The following SRP72 variants were observed in gnomAD, a reference collection of about 807,000 sequenced individuals.
SRP72 encodes the protein signal recognition particle subunit SRP72.
SRP72 carries 49 observed loss-of-function variants against 96.3 expected under a neutral mutation model. That is an observed-to-expected ratio of 0.51 (90% confidence interval 0.40 to 0.65). The LOEUF (loss-of-function observed/expected upper bound fraction) is 0.65, where lower values mean the gene tolerates loss of function less well. Among genes scored for constraint, SRP72 ranks in the 30% least tolerant of loss-of-function variants. The probability of loss-of-function intolerance (pLI) is 0.00; values close to 1 mark genes in which losing one functional copy is unlikely to be tolerated. For missense variants in SRP72, 736 were observed against 793.3 expected, an observed-to-expected ratio of 0.93 and a Z score of 0.87; for synonymous variants, 267 against 275.2, an observed-to-expected ratio of 0.97 and a Z score of 0.30.
At chr4:56,474,869 A>G (rs1256072238) in intron 5 of SRP72, among the ~76,000 whole-genome samples, 1 of 152,180 alleles carries the variant, frequency 6.6e-6, no homozygotes, top group East Asian at 1.9e-4. Flanking sequence ...TATTTTCAGT[A>G]GAGATGGTTT....
At chr4:56,486,089 C>T (rs1720699366) in intron 10 of SRP72, 4 of 410,610 alleles carry the variant, frequency 9.7e-6, no homozygotes, top group Non-Finnish European at 1.8e-5. Context: ...TGATGGATTT[C>T]TCTGTTAGTG....
intron 1 of SRP72, 38 bp downstream of exon 1, chr4:56,467,782 G>T: frequency 7.0e-7 from 1 of 1,437,558 alleles, no homozygotes; most frequent in East Asian, 2.9e-5. Context: ...GGCCCAGGCC[G>T]GCTGGAGGAT....
chr4:56,490,304 CTT>C, intron 13 of SRP72, 27 bp from the exon 14 acceptor site: 1 of 1,567,232 alleles, frequency 6.4e-7, no homozygotes, highest in South Asian at 1.1e-5. Context: ...TAACTTGAAA[CTT>C]TTTTTTTCTT....
chr4:56,490,330 T>G lies in SRP72; in HGVS notation c.1321-3T>G. On this transcript the variant is annotated splice_region_variant and splice_polypyrimidine_tract_variant and intron_variant, in intron 13 of 18. Coordinates refer to ENST00000642900, the MANE Select transcript of SRP72 (RefSeq NM_006947.4). ...TTTTTTTTTCTTTTTATTGAAACTGTAGCCAAAATCTCCTGCTCATTTGTC... is the reference window on the plus strand; with the variant it reads ...TTTTTTTTTCTTTTTATTGAAACTGGAGCCAAAATCTCCTGCTCATTTGTC... 6.2e-7 allele frequency: 1 copy of G among 1,605,160 alleles called. No individual in the cohort carries two copies. Among genetic ancestry groups the G allele is most frequent in the Non-Finnish European group, 8.5e-7 (1 of 1,177,792 alleles).
chr4:56,491,814 G>T (rs1355879667), intron 16 of SRP72: 5 of 319,586 alleles, frequency 1.6e-5, no homozygotes, highest in African/African-American at 1.1e-4. Flanking sequence ...CACACAGATG[G>T]TTTACAAATA....
intron 17 of SRP72, among the ~76,000 whole-genome samples, chr4:56,497,860 G>T (rs1326063126): frequency 6.6e-6 from 1 of 151,986 alleles, no homozygotes; most frequent in East Asian, 1.9e-4. Flanking sequence ...ACCAACACTG[G>T]GTATTACTGC....
At chr4:56,497,217 T>A (rs1461705770) in intron 17 of SRP72, among the ~76,000 whole-genome samples, 1 of 149,564 alleles carries the variant, frequency 6.7e-6, no homozygotes, top group Non-Finnish European at 1.5e-5. Flanking sequence ...TTTTATTTTA[T>A]TTATTTATTT....
At chr4:56,472,743 G>A (rs1019272282) in intron 3 of SRP72, among the ~76,000 whole-genome samples, 1 of 152,162 alleles carries the variant, frequency 6.6e-6, no homozygotes, top group African/African-American at 2.4e-5. Flanking sequence ...ATACAAATGA[G>A]TTGAAGATAG....
At chr4:56,494,305 C>A (rs1721004393) in intron 16 of SRP72, among the ~76,000 whole-genome samples, 1 of 151,580 alleles carries the variant, frequency 6.6e-6, no homozygotes, top group Non-Finnish European at 1.5e-5. Flanking sequence ...GTTGTCTCAT[C>A]TTTTTAGTTC....
intron 3 of SRP72, among the ~76,000 whole-genome samples, chr4:56,473,765 CAAAAA>C (rs201143094): frequency 7.1e-6 from 1 of 141,600 alleles, no homozygotes; most frequent in Non-Finnish European, 1.5e-5. Flanking sequence ...AACTCCGTCT[CAAAAA>C]AAAAAGAAAA....
At chr4:56,490,762 T>C (rs1720877878) in intron 15 of SRP72, 117 bp downstream of exon 15, 1 of 872,206 alleles carries the variant, frequency 1.1e-6, no homozygotes, top group Non-Finnish European at 1.7e-6. Flanking sequence ...AATCCTCCTT[T>C]TAACTAGTAA....
chr4:56,490,226 G>C, intron 13 of SRP72, 107 bp from the exon 14 acceptor site: 1 of 777,178 alleles, frequency 1.3e-6, no homozygotes, highest in Non-Finnish European at 2.0e-6. Flanking sequence ...CTTAAGATGA[G>C]GGATCTAATG....
rs775602395 is a variant in SRP72 at position 56,490,623 on chromosome 4, G to A, written c.1480G>A (p.Val494Ile). The change falls in exon 15 of 19, where the codon GTA becomes ATA. Residue 494 changes from valine (V) to isoleucine (I), a missense_variant. Physicochemically the swap from Val to Ile is conservative, Grantham distance 29. Transcript: ENST00000642900. ...ACAGCTTATTTCTGCTTACTCACTT[G>A]TAGATCCAGAGAAAGCCAAAGCGTA... The part of the protein sequence containing the change: ...LAQLISAYSL[V>I]DPEKAKALSK... The A allele has an allele frequency of 1.9e-6, 3 of 1,613,938 alleles. No individual in the cohort carries two copies. The highest frequency in any genetic ancestry group is 3.3e-5 in the Admixed American group (2 of 59,998).
intron 16 of SRP72, 30 bp downstream of exon 16, chr4:56,491,598 T>C: frequency 6.3e-7 from 1 of 1,593,196 alleles, no homozygotes; most frequent in South Asian, 1.1e-5. Context: ...CGTTCTCTAA[T>C]GCTGATTTTA....
chr4:56,468,552 G>A (rs1463938552), intron 1 of SRP72, among the ~76,000 whole-genome samples: 1 of 152,032 alleles, frequency 6.6e-6, no homozygotes, highest in African/African-American at 2.4e-5. Flanking sequence ...GTGCATGTTA[G>A]ATTTGGAAAT....
intron 16 of SRP72, 60 bp from the exon 17 acceptor site, chr4:56,495,297 C>G (rs1721037640): frequency 8.2e-7 from 1 of 1,214,310 alleles, no homozygotes; most frequent in African/African-American, 1.5e-5. Context: ...AGAGCACTTA[C>G]TTAATGCTCT....
intron 16 of SRP72, among the ~76,000 whole-genome samples, chr4:56,492,095 T>A (rs1237999702): frequency 4.6e-5 from 7 of 152,350 alleles, no homozygotes; most frequent in Non-Finnish European, 1.0e-4. Flanking sequence ...CACCTCGGCC[T>A]CCCAAAGTGC....
chr4:56,489,511 G>T, intron 13 of SRP72, 28 bp downstream of exon 13: 2 of 1,382,710 alleles, frequency 1.4e-6, no homozygotes, highest in South Asian at 2.6e-5. Flanking sequence ...AATGTTATGA[G>T]AGCATGTTTT....
chr4:56,474,051 C>G lies in SRP72; in HGVS notation c.355-3C>G. The G allele has an allele frequency of 6.2e-7, 1 of 1,605,638 alleles. No homozygotes were observed. Among genetic ancestry groups the G allele is most frequent in the Non-Finnish European group, 8.5e-7 (1 of 1,177,224 alleles). ...GATTTTTTACTTGCTATTTATTATT[C>G]AGTTATACCGTTTGGAACGCTATGA... On this transcript the variant is annotated splice_polypyrimidine_tract_variant and splice_region_variant and intron_variant, in intron 3 of 18. Transcript: ENST00000642900.
Sources: gnomAD v4.1 joint callset for allele counts (sites outside exome capture counted in the v4.1 genomes callset) on GRCh38, gnomAD v4.1.1 for gene constraint, MANE v1.5 for transcripts, NCBI Gene and HGNC (gene_info 2026-07-23, HGNC 2026-07-21) for gene names.